Variants in PLEKHH3 observed in about 807,000 individuals in gnomAD.
The protein encoded by PLEKHH3 is pleckstrin homology, MyTH4 and FERM domain containing H3.
In PLEKHH3, 57 loss-of-function variants were observed where a neutral mutation model predicts 77.8. The ratio of observed to expected loss-of-function variants is 0.73; its 90% CI spans 0.59 to 0.91. The LOEUF (loss-of-function observed/expected upper bound fraction) is 0.91, where lower values mean the gene tolerates loss of function less well. PLEKHH3 is among the 40% of genes least tolerant of loss of function. The pLI is 0.00. For synonymous variants in PLEKHH3, 467 were observed against 504.8 expected, an observed-to-expected ratio of 0.93 and a Z score of 1.00; for missense variants, 1,082 against 1,091.2, an observed-to-expected ratio of 0.99 and a Z score of 0.12.
chr17:42,669,452 T>TG lies in PLEKHH3; in HGVS notation c.2182dup (p.Gln728ProfsTer89). The stretch of plus-strand genomic sequence containing the variant: ...CACCTGGGGGCTCTGCAGGAGGAGC[T>TG]GGCTCTCTCCCACCCTCAAGGCCAG... On this transcript the variant is annotated frameshift_variant, in exon 12 of 13. Coordinates refer to ENST00000591022, the MANE Select transcript of PLEKHH3 (RefSeq NM_024927.5). LOFTEE classifies it high-confidence loss of function. 1.3e-6 allele frequency: 2 copies of TG among 1,559,088 alleles called. No homozygotes were observed. The highest frequency in any genetic ancestry group is 1.7e-6 in the Non-Finnish European group (2 of 1,147,568).
rs766344434 is a variant in PLEKHH3, at chr17:42,671,065, C to T, written c.1350G>A (p.Glu450=). The T allele has an allele frequency of 4.6e-5, 74 of 1,609,498 alleles. No homozygotes were observed. The highest frequency in any genetic ancestry group is 5.6e-5 in the Non-Finnish European group (66 of 1,178,228). The change falls in exon 9 of 13, where the codon GAG becomes GAA. Residue 450 remains glutamate (E), a synonymous_variant. Transcript: ENST00000591022. This position sits in a 1 kb window ranked among gnomAD's most constrained non-coding sequence, Gnocchi z 4.7. The stretch of plus-strand genomic sequence containing the variant: ...GGGCTCGCTCCTGGGCCCCTCGCTG[C>T]TCGTACAGCGCGAATGCGTTGCGGC... ...ARSRNAFALY[E]QRGAQERALA... is the part of the protein sequence containing the mutation.
chr17:42,673,248 G>A lies in PLEKHH3; in HGVS notation c.697C>T (p.Pro233Ser). 2 of 1,592,696 alleles carry A rather than the reference G, an allele frequency of 1.3e-6. No individual in the cohort carries two copies. Among genetic ancestry groups the A allele is most frequent in the Non-Finnish European group, 1.7e-6 (2 of 1,172,698 alleles). ...EAVALIYLRN[P>S]ILRHTSGALY... Reference sequence around the variant, plus strand: ...GCTCCACTAGTGTGTCTCAGAATCGGGTTCCTCAGGTAAATGAGGGCAACG... The same window carrying A: ...GCTCCACTAGTGTGTCTCAGAATCGAGTTCCTCAGGTAAATGAGGGCAACG... The change falls in exon 6 of 13, where the codon CCG (proline) becomes TCG (serine). Residue 233 changes from proline (P) to serine (S), a missense_variant. Pro to Ser is a moderately conservative substitution (Grantham distance 74). This residue lies in a region of PLEKHH3 where 344 missense variants were observed against 320.8 expected (regional missense o/e 1.07). Transcript: ENST00000591022.
In PLEKHH3 at chr17:42,672,103, G is replaced by A. The variant is rs1249223414; in HGVS notation, c.1059C>T (p.Leu353=). The A allele has an allele frequency of 5.4e-6, 8 of 1,492,400 alleles. No homozygotes were observed. The highest frequency in any genetic ancestry group is 6.3e-6 in the Non-Finnish European group (7 of 1,114,470). 92.4% of individuals were successfully genotyped at this position (1,492,400 alleles called of 1,614,324 possible). The change falls in exon 7 of 13, where the codon CTC becomes CTT. Residue 353 remains leucine (L), a synonymous_variant. Coordinates refer to ENST00000591022, the MANE Select transcript of PLEKHH3 (RefSeq NM_024927.5). ...CCTCTCACCTCTCCAAGTGCCCCAGGAGGTGCCCCCGCACAGCTCCCCCAG... is the reference window on the plus strand; with the variant it reads ...CCTCTCACCTCTCCAAGTGCCCCAGAAGGTGCCCCCGCACAGCTCCCCCAG... The part of the protein sequence containing the change: ...FRPGGAVRGH[L]LGHLERTEQA...
chr17:42,668,161 C>A lies in PLEKHH3; in HGVS notation c.2348G>T (p.Gly783Val). The change falls in exon 13 of 13, where the codon GGA becomes GTA. Residue 783 changes from glycine (G) to valine (V), a missense_variant. By Grantham distance (109) the Gly-to-Val change is moderately radical. Transcript: ENST00000591022. ...CAGCTGCCCCAAGCAGCCAGACTGTCCCTGGGGCTCGTCCAGGCCCGGGCG... is the reference window on the plus strand; with the variant it reads ...CAGCTGCCCCAAGCAGCCAGACTGTACCTGGGGCTCGTCCAGGCCCGGGCG... ...SQRPGLDEPQ[G>V]QSGCLGQLQD is the part of the protein sequence containing the mutation. 6.6e-7 allele frequency: 1 copy of A among 1,504,326 alleles called. No homozygotes were observed. Among genetic ancestry groups the A allele is most frequent in the Non-Finnish European group, 8.8e-7 (1 of 1,134,370 alleles). The allele number at this position is 1,504,326 out of a possible 1,614,324, so 93.2% of individuals were successfully genotyped here.
intron 7 of PLEKHH3, 57 bp downstream of exon 7, chr17:42,672,029 C>T: frequency 7.2e-7 from 1 of 1,383,496 alleles, no homozygotes; most frequent in East Asian, 2.5e-5. Flanking sequence ...ACCTTTCATT[C>T]TCTCCCAGCC....
chr17:42,670,798 G>T, intron 9 of PLEKHH3, 93 bp from the exon 10 acceptor site: 1 of 1,525,298 alleles, frequency 6.6e-7, no homozygotes, highest in South Asian at 1.2e-5. Flanking sequence ...TGTTTGGGGC[G>T]GGGCCTGGGC....
intron 12 of PLEKHH3, 74 bp downstream of exon 12, chr17:42,669,356 G>A: frequency 2.1e-6 from 3 of 1,418,996 alleles, no homozygotes; most frequent in Non-Finnish European, 2.8e-6. Context: ...CCTGGCCCAG[G>A]TTTGGTGTTC....
At position 42,676,816 on chromosome 17, in the gene PLEKHH3, A is replaced by T. The variant is rs2052838813; in HGVS notation, c.-253T>A. On this transcript the variant is annotated 5_prime_UTR_variant, in exon 1 of 13. Coordinates refer to ENST00000591022, the MANE Select transcript of PLEKHH3 (RefSeq NM_024927.5). This position sits in a 1 kb window ranked among gnomAD's most constrained non-coding sequence, Gnocchi z 6.6. The stretch of plus-strand genomic sequence containing the variant: ...CGTCCAGGGCCCCGGGAGAGGAGGG[A>T]GCAATGTCCGGAGCTGGGAAGTAGT... 1.8e-6 allele frequency: 1 copy of T among 563,258 alleles called. No individual in the cohort carries two copies. Among genetic ancestry groups the T allele is most frequent in the African/African-American group, 1.9e-5 (1 of 52,912 alleles). 34.9% of individuals were successfully genotyped at this position (563,258 alleles called of 1,614,324 possible).
At position 42,676,192 on chromosome 17, in the gene PLEKHH3, G is replaced by GC. The variant is rs1190957650; in HGVS notation, c.162+209dup. The GC allele has an allele frequency of 2.0e-5, 27 of 1,369,298 alleles. No individual in the cohort carries two copies. The highest frequency in any genetic ancestry group is 2.5e-5 in the Non-Finnish European group (26 of 1,048,500). 84.8% of individuals were successfully genotyped at this position (1,369,298 alleles called of 1,614,324 possible). A position where few individuals can be genotyped will look rare whatever the true frequency, so the allele number is the denominator to read the frequency against. Reference sequence around the variant, plus strand: ...TCAGGGCCCCCAGCAGGTGGATAGCGCCCAGCCTGCAGCGGGAGGCCCACA... The same window carrying GC: ...TCAGGGCCCCCAGCAGGTGGATAGCGCCCCAGCCTGCAGCGGGAGGCCCACA... On this transcript the variant is annotated intron_variant, in intron 1 of 12. Coordinates refer to ENST00000591022, the MANE Select transcript of PLEKHH3 (RefSeq NM_024927.5). The surrounding 1 kb of genome is among the most constrained non-coding windows in gnomAD (Gnocchi z 6.6).
At position 42,670,381 on chromosome 17, in the gene PLEKHH3, A is replaced by C. The variant is rs935276204; in HGVS notation, c.1555-5T>G. 4.2e-6 allele frequency: 6 copies of C among 1,438,014 alleles called. No homozygotes were observed. In the African/African-American group the frequency reaches 7.3e-5, roughly 18 times the overall value. 89.1% of individuals were successfully genotyped at this position (1,438,014 alleles called of 1,614,324 possible). Reference sequence around the variant, plus strand: ...CCGCAGCAGCAGAGCGTGAGCCTGCAGGGGAGGCACCCGGCGTCAGTGTAC... The same window carrying C: ...CCGCAGCAGCAGAGCGTGAGCCTGCCGGGGAGGCACCCGGCGTCAGTGTAC... On this transcript the variant is annotated splice_polypyrimidine_tract_variant and splice_region_variant and intron_variant, in intron 10 of 12. Transcript: ENST00000591022.
At chr17:42,670,838 C>A in intron 9 of PLEKHH3, 133 bp from the exon 10 acceptor site, 2 of 1,519,896 alleles carry the variant, frequency 1.3e-6, no homozygotes, top group Admixed American at 2.0e-5. Flanking sequence ...ATGCTGCAGT[C>A]GGACTGCAAA....
chr17:42,670,773 GGGGGCGGGGCCATGTGTTT>G, intron 9 of PLEKHH3, 68 bp from the exon 10 acceptor site: 6 of 1,559,878 alleles, frequency 3.8e-6, no homozygotes, highest in East Asian at 2.3e-5. Flanking sequence ...AGCTTGGGGT[GGGGGCGGGGCCATGTGTTT>G]GGGGCGGGGC....
rs544616429 is a variant in PLEKHH3 at position 42,669,688 on chromosome 17, G to A, written c.2014-67C>T. 144 of 1,514,058 alleles carry A rather than the reference G, an allele frequency of 9.5e-5. 2 individuals are homozygous for A. In the South Asian group the frequency reaches 1.6e-3, roughly 17 times the overall value. The allele number at this position is 1,514,058 out of a possible 1,614,324, so 93.8% of individuals were successfully genotyped here. On this transcript the variant is annotated intron_variant, in intron 11 of 12. Transcript: ENST00000591022. ...AGCGTTATTTTTGGTAGGGGGAGAT[G>A]GGTGTCTGTGAGCAGGAGTATCCTG...
rs1372266190 is a variant in PLEKHH3, at chr17:42,676,772, G to A, written c.-209C>T. 1 of 603,764 alleles carries A rather than the reference G, an allele frequency of 1.7e-6. No homozygotes were observed. The highest frequency in any genetic ancestry group is 2.9e-6 in the Non-Finnish European group (1 of 341,890). The allele number at this position is 603,764 out of a possible 1,614,324, so 37.4% of individuals were successfully genotyped here. A position where few individuals can be genotyped will look rare whatever the true frequency, so the allele number is the denominator to read the frequency against. On this transcript the variant is annotated 5_prime_UTR_variant, in exon 1 of 13. Coordinates refer to ENST00000591022, the MANE Select transcript of PLEKHH3 (RefSeq NM_024927.5). The surrounding 1 kb of genome is among the most constrained non-coding windows in gnomAD (Gnocchi z 6.6). Reference sequence around the variant, plus strand: ...GGGGGGCTCAGTGTCTGGGCCCCCGGAGGGGGGAGGGGGAAAAGCGTCCAG... The same window carrying A: ...GGGGGGCTCAGTGTCTGGGCCCCCGAAGGGGGGAGGGGGAAAAGCGTCCAG...
chr17:42,668,850 G>T, intron 12 of PLEKHH3: 1 of 150,230 alleles, frequency 6.7e-6, no homozygotes, highest in South Asian at 2.1e-4. Flanking sequence ...TTGTTGAGAC[G>T]GAGTCTTGCT....
In PLEKHH3 at chr17:42,668,101, A is replaced by G; in HGVS notation, c.*26T>C. The G allele has an allele frequency of 2.9e-6, 4 of 1,389,442 alleles. No individual in the cohort carries two copies. The highest frequency in any genetic ancestry group is 3.7e-6 in the Non-Finnish European group (4 of 1,075,886). 86.1% of individuals were successfully genotyped at this position (1,389,442 alleles called of 1,614,324 possible). ...AGTCCTGGCCCAGGCTGCAGGCAGG[A>G]GGGAAGTCGTGACCTCTTGGCAGGC... On this transcript the variant is annotated 3_prime_UTR_variant, in exon 13 of 13. Transcript: ENST00000591022.
At position 42,668,238 on chromosome 17, in the gene PLEKHH3, G is replaced by A; in HGVS notation, c.2271C>T (p.Ser757=). 1.3e-6 allele frequency: 2 copies of A among 1,558,490 alleles called. No homozygotes were observed. The highest frequency in any genetic ancestry group is 1.7e-6 in the Non-Finnish European group (2 of 1,158,942). The change falls in exon 13 of 13, where the codon AGC becomes AGT. Residue 757 remains serine, a synonymous_variant. Transcript: ENST00000591022. ...LANPSPERPC[S]SSSPPCQDLP... is the part of the protein sequence containing the mutation. The stretch of plus-strand genomic sequence containing the variant: ...GGTCTTGGCATGGAGGAGAAGAGCT[G>A]CTGCAGGGCCTCTCGGGGGAGGGGT...
Position 42,670,025 on chromosome 17 carries a change from G to T in PLEKHH3, c.1906C>A (p.Arg636=). 1.3e-6 allele frequency: 2 copies of T among 1,574,492 alleles called. No individual in the cohort carries two copies. The highest frequency in any genetic ancestry group is 1.2e-5 in the South Asian group (1 of 86,778). The part of the protein sequence containing the change: ...TAAAVLGGWK[R]LRGMGRAEAM... Reference sequence around the variant, plus strand: ...TCAGCTCGGCCCATGCCCCGTAGCCGCTTCCAGCCGCCCAGCACGGCAGCT... The same window carrying T: ...TCAGCTCGGCCCATGCCCCGTAGCCTCTTCCAGCCGCCCAGCACGGCAGCT... The change falls in exon 11 of 13, where the codon CGG becomes AGG. Residue 636 remains arginine, a synonymous_variant. Coordinates refer to ENST00000591022, the MANE Select transcript of PLEKHH3 (RefSeq NM_024927.5).
chr17:42,676,098 T>C lies in PLEKHH3; in HGVS notation c.162+304A>G. On this transcript the variant is annotated intron_variant, in intron 1 of 12. Transcript: ENST00000591022. The surrounding 1 kb of genome is among the most constrained non-coding windows in gnomAD (Gnocchi z 6.6). ...CTGGCGGAGGCGGAAGGAGACGGGATGGGACGCGGGCCCAGCGGGGAAGGG... is the reference window on the plus strand; with the variant it reads ...CTGGCGGAGGCGGAAGGAGACGGGACGGGACGCGGGCCCAGCGGGGAAGGG... 1.6e-6 allele frequency: 2 copies of C among 1,249,334 alleles called. No individual in the cohort carries two copies. Among genetic ancestry groups the C allele is most frequent in the Non-Finnish European group, 2.0e-6 (2 of 993,882 alleles). 77.4% of individuals were successfully genotyped at this position (1,249,334 alleles called of 1,614,324 possible).
Sources: allele counts gnomAD v4.1 joint callset, GRCh38; gene constraint gnomAD v4.1.1; regional missense constraint gnomAD v4.1.1; non-coding constraint Gnocchi (gnomAD v3.1); transcripts MANE v1.5; gene names NCBI Gene and HGNC (gene_info 2026-07-23, HGNC 2026-07-21).